NLRP1: variants seen among roughly 807,000 people sequenced by gnomAD.
NLRP1 encodes NLR family pyrin domain containing 1.
In NLRP1, 94 loss-of-function variants were observed where a neutral mutation model predicts 136.7. That is an observed-to-expected ratio of 0.69 (90% confidence interval 0.58 to 0.82). NLRP1 has a LOEUF of 0.82. Among genes scored for constraint, NLRP1 ranks in the 40% least tolerant of loss-of-function variants. NLRP1 has a pLI of 0.00. For missense variants in NLRP1, 1,575 were observed against 1,802.7 expected (o/e 0.87, Z 2.29); for synonymous variants, 690 against 725.1 (o/e 0.95, Z 0.78).
At position 5,530,635 on chromosome 17, in the gene NLRP1, C is replaced by T. The variant is rs200040886; in HGVS notation, c.3366G>A (p.Ala1122=). The change falls in exon 12 of 17, where the codon GCG becomes GCA. Residue 1122 remains alanine (A), a synonymous_variant. Transcript: ENST00000572272. ...CACAGAATTCAATCTCAACGGTCAC[C>T]GCTTCTCTCATCACAAAGCAGAGAC... ...NTGLCFVMRE[A]VTVEIEFCVW... is the part of the protein sequence containing the mutation. The T allele has an allele frequency of 3.7e-6, 6 of 1,614,088 alleles. No homozygotes were observed. The highest frequency in any genetic ancestry group is 2.2e-5 in the East Asian group (1 of 44,902).
At chr17:5,564,607 G>T (rs1433034181) in intron 3 of NLRP1, among the ~76,000 whole-genome samples, 1 of 152,012 alleles carries the variant, frequency 6.6e-6, no homozygotes, top group Non-Finnish European at 1.5e-5. Flanking sequence ...TGGACACTTG[G>T]GTTGCTTCCA....
Position 5,514,542 on chromosome 17 carries a change from T to C in NLRP1, c.*212A>G. 2.1e-6 allele frequency: 3 copies of C among 1,419,704 alleles called. No individual in the cohort carries two copies. The South Asian group carries it at 4.6e-5, about 22-fold the overall frequency. The allele number at this position is 1,419,704 out of a possible 1,614,324, so 87.9% of individuals were successfully genotyped here. A position where few individuals can be genotyped will look rare whatever the true frequency, so the allele number is the denominator to read the frequency against. ...GGTCTTGCCAGCTCCAGATGGACATTCCCTGAGATGCTGTTAGGCCACCTG... is the reference window on the plus strand; with the variant it reads ...GGTCTTGCCAGCTCCAGATGGACATCCCCTGAGATGCTGTTAGGCCACCTG... On this transcript the variant is annotated 3_prime_UTR_variant, in exon 17 of 17. Transcript: ENST00000572272.
chr17:5,546,074 G>A (rs1912625197), intron 5 of NLRP1, among the ~76,000 whole-genome samples: 1 of 152,210 alleles, frequency 6.6e-6, no homozygotes, highest in South Asian at 2.1e-4. Flanking sequence ...ACCTTGGGCA[G>A]CAGTGACCCC....
chr17:5,569,093 C>T (rs1002741495), intron 3 of NLRP1, among the ~76,000 whole-genome samples: 1 of 152,106 alleles, frequency 6.6e-6, no homozygotes, highest in African/African-American at 2.4e-5. Flanking sequence ...TTTATTACCA[C>T]CAGACCTGCC....
chr17:5,523,906 CCAAT>C (rs1381723841), intron 12 of NLRP1, among the ~76,000 whole-genome samples: 3 of 152,180 alleles, frequency 2.0e-5, no homozygotes, highest in Non-Finnish European at 4.4e-5. Context: ...ATGAATCTTA[CCAAT>C]CAAACAATAC....
intron 12 of NLRP1, among the ~76,000 whole-genome samples, chr17:5,522,187 G>A (rs1475413477): frequency 6.6e-6 from 1 of 152,242 alleles, no homozygotes; most frequent in Non-Finnish European, 1.5e-5. Context: ...GGATCCCAGG[G>A]CTTAGGCTCA....
intron 15 of NLRP1, among the ~76,000 whole-genome samples, chr17:5,507,416 C>A (rs747367195): frequency 6.6e-6 from 1 of 152,080 alleles, no homozygotes; most frequent in African/African-American, 2.4e-5. Context: ...GAAATTCAGC[C>A]GGGCATGGTG....
At position 5,559,139 on chromosome 17, in the gene NLRP1, C is replaced by A. The variant is rs201732099; in HGVS notation, c.1557G>T (p.Val519=). The A allele has an allele frequency of 6.2e-7, 1 of 1,614,174 alleles. No individual in the cohort carries two copies. Among genetic ancestry groups the A allele is most frequent in the South Asian group, 1.1e-5 (1 of 91,080 alleles). ...TGCAGGCCAGCCAGGACACCCAGGG[C>A]ACAAGACACAGGGCCCAGAGCTCTT... ...SNKELWALCL[V]PWVSWLACTC... The change falls in exon 4 of 17, where the codon GTG becomes GTT. Residue 519 remains valine (V), a synonymous_variant. Transcript: ENST00000572272.
At chr17:5,525,939 T>G (rs1909480001) in intron 12 of NLRP1, among the ~76,000 whole-genome samples, 1 of 151,972 alleles carries the variant, frequency 6.6e-6, no homozygotes, top group Non-Finnish European at 1.5e-5. Flanking sequence ...GGCCCAGTCC[T>G]CTTGGTAACT....
chr17:5,523,376 G>C (rs961743283), intron 12 of NLRP1, among the ~76,000 whole-genome samples: 2 of 152,140 alleles, frequency 1.3e-5, no homozygotes, highest in Middle Eastern at 6.3e-3. Flanking sequence ...TACAGTAGCT[G>C]TCTCCGTATT....
rs1156409186 is a variant in NLRP1 at position 5,514,421 on chromosome 17, A to G, written c.*333T>C. 1 of 1,156,202 alleles carries G rather than the reference A, an allele frequency of 8.6e-7. No homozygotes were observed. Among genetic ancestry groups the G allele is most frequent in the Non-Finnish European group, 1.1e-6 (1 of 931,234 alleles). 71.6% of individuals were successfully genotyped at this position (1,156,202 alleles called of 1,614,324 possible). On this transcript the variant is annotated 3_prime_UTR_variant, in exon 17 of 17. Transcript: ENST00000572272. ...GACACAGCCAGAGGCAAATGGTTCCATGTCCCTCCTATTCCTCTTTGCGCC... is the reference window on the plus strand; with the variant it reads ...GACACAGCCAGAGGCAAATGGTTCCGTGTCCCTCCTATTCCTCTTTGCGCC...
chr17:5,570,742 T>C (rs1915781673), intron 3 of NLRP1, among the ~76,000 whole-genome samples: 1 of 152,146 alleles, frequency 6.6e-6, no homozygotes, highest in Non-Finnish European at 1.5e-5. Flanking sequence ...ACTCATTCTA[T>C]GAGTTAGGTA....
At position 5,583,672 on chromosome 17, in the gene NLRP1, C is replaced by A; in HGVS notation, c.271+15G>T. ...GGGGATGTCCCGCGGGCAGTGGGGT[C>A]CTCTGTCCACTCACCTGCCCCTTCC... is the stretch of plus-strand genomic sequence containing the variant. On this transcript the variant is annotated intron_variant, in intron 1 of 16. Coordinates refer to ENST00000572272, the MANE Select transcript of NLRP1 (RefSeq NM_033004.4). The surrounding 1 kb of genome is among the most constrained non-coding windows in gnomAD (Gnocchi z 4.5). 1 of 1,549,678 alleles carries A rather than the reference C, an allele frequency of 6.5e-7. No individual in the cohort carries two copies. Among genetic ancestry groups the A allele is most frequent in the African/African-American group, 1.4e-5 (1 of 73,132 alleles).
At chr17:5,578,185 A>G (rs995206294) in intron 3 of NLRP1, among the ~76,000 whole-genome samples, 1 of 152,256 alleles carries the variant, frequency 6.6e-6, no homozygotes, top group African/African-American at 2.4e-5. Context: ...AATACCATTC[A>G]GGACATAGGC....
At chr17:5,543,210 A>AAATG (rs1341567206) in intron 5 of NLRP1, among the ~76,000 whole-genome samples, 1 of 152,114 alleles carries the variant, frequency 6.6e-6, no homozygotes, top group Non-Finnish European at 1.5e-5. Context: ...TGTAGTAAAT[A>AAATG]AATGAATGAA....
At chr17:5,538,192 G>A (rs1417924967) in intron 7 of NLRP1, among the ~76,000 whole-genome samples, 1 of 152,156 alleles carries the variant, frequency 6.6e-6, no homozygotes, top group Non-Finnish European at 1.5e-5. Flanking sequence ...GTGGGTAAGT[G>A]TCAAGACAGA....
intron 12 of NLRP1, among the ~76,000 whole-genome samples, chr17:5,529,421 G>A (rs1909952117): frequency 6.7e-6 from 1 of 149,650 alleles, no homozygotes; most frequent in Admixed American, 6.6e-5. Context: ...AGGCTGGAGT[G>A]CAGTGGTGCG....
intron 12 of NLRP1, among the ~76,000 whole-genome samples, chr17:5,524,842 T>G (rs1909329105): frequency 6.6e-6 from 1 of 152,156 alleles, no homozygotes; most frequent in South Asian, 2.1e-4. Flanking sequence ...ACCTTCTTGC[T>G]AGGGTGACCA....
In NLRP1 at chr17:5,558,480, T is replaced by A. The variant is rs755122506; in HGVS notation, c.2216A>T (p.Glu739Val). 8.7e-6 allele frequency: 14 copies of A among 1,614,022 alleles called. No homozygotes were observed. Among genetic ancestry groups the A allele is most frequent in the Non-Finnish European group, 7.6e-6 (9 of 1,179,982 alleles). ...TGTTTCTACACACATGCCCATTTCT[T>A]CGAAATGGGCCATCACTTGTGTCAG... is the stretch of plus-strand genomic sequence containing the variant. ...TFLTQVMAHF[E>V]EMGMCVETDM... The change falls in exon 4 of 17, where the codon GAA becomes GTA. Residue 739 changes from glutamate to valine, a missense_variant. Coordinates refer to ENST00000572272, the MANE Select transcript of NLRP1 (RefSeq NM_033004.4).
Sources: gnomAD v4.1 joint callset for allele counts (sites outside exome capture counted in the v4.1 genomes callset) on GRCh38, gnomAD v4.1.1 for gene constraint, Gnocchi (gnomAD v3.1) non-coding constraint, MANE v1.5 for transcripts, NCBI Gene and HGNC (gene_info 2026-07-23, HGNC 2026-07-21) for gene names.